PTPRC: variants seen among roughly 807,000 people sequenced by gnomAD.
PTPRC encodes the protein protein tyrosine phosphatase receptor type C, also known as receptor-type tyrosine-protein phosphatase C.
Under a neutral mutation model 155.9 loss-of-function variants are expected in PTPRC, and 44 were observed. That is an observed-to-expected ratio of 0.28 (90% CI 0.22 to 0.36). The LOEUF is 0.36. Among genes scored for constraint, PTPRC ranks in the 10% least tolerant of loss-of-function variants. The pLI is 1.00. For missense variants in PTPRC, 1,401 were observed against 1,564.6 expected (o/e 0.90, Z 1.76); for synonymous variants, 525 against 533.1 (o/e 0.98, Z 0.21).
At chr1:198,656,476 C>T (rs753131941) in intron 2 of PTPRC, among the ~76,000 whole-genome samples, 55 of 151,926 alleles carry the variant, frequency 3.6e-4, no homozygotes, top group Non-Finnish European at 4.1e-4. Context: ...CTTTCCCTCC[C>T]CTACTCAAGT....
At position 198,716,810 on chromosome 1, in the gene PTPRC, G is replaced by A. The variant is rs1173201390; in HGVS notation, c.1420G>A (p.Ala474Thr). 1.2e-6 allele frequency: 2 copies of A among 1,613,604 alleles called. No homozygotes were observed. The highest frequency in any genetic ancestry group is 1.7e-6 in the Non-Finnish European group (2 of 1,179,902). Reference sequence around the variant, plus strand: ...AAAAGTGCAACGTAATGGAAGTGCTGCAATGTGTCATTTCACAACTAAAAG... The same window carrying A: ...AAAAGTGCAACGTAATGGAAGTGCTACAATGTGTCATTTCACAACTAAAAG... Reference protein sequence around the residue: ...IAKVQRNGSAAMCHFTTKSAP... With the variant: ...IAKVQRNGSATMCHFTTKSAP... Residue 474 changes from alanine (A) to threonine (T), a missense_variant, in exon 13 of 33, where the codon GCA (alanine) becomes ACA (threonine). This residue lies in a region of PTPRC where 867 missense variants were observed against 970.4 expected (regional missense o/e 0.89). Transcript: ENST00000442510.
At chr1:198,744,724 T>C (rs1000879517) in intron 26 of PTPRC, among the ~76,000 whole-genome samples, 1 of 151,908 alleles carries the variant, frequency 6.6e-6, no homozygotes, top group Non-Finnish European at 1.5e-5. Context: ...TCAGAGAGTT[T>C]GCATAGCTGT....
rs866033468 is a variant in PTPRC at position 198,647,261 on chromosome 1, T to G, written c.73+7920T>G. 3.9e-5 allele frequency among the ~76,000 whole-genome samples: 6 copies of G among 152,002 alleles called. No homozygotes were observed. The Middle Eastern group carries it at 0.014, about 345-fold the overall frequency. Reference sequence around the variant, plus strand: ...ATCCTTTGAATAATTCTCTTGGAGTTCTCTTTACCAGGCTCTCTTGCAGCA... The same window carrying G: ...ATCCTTTGAATAATTCTCTTGGAGTGCTCTTTACCAGGCTCTCTTGCAGCA... On this transcript the variant is annotated intron_variant, in intron 2 of 32. Coordinates refer to ENST00000442510, the MANE Select transcript of PTPRC (RefSeq NM_002838.5).
chr1:198,667,842 A>G (rs1664407200), intron 2 of PTPRC, among the ~76,000 whole-genome samples: 1 of 152,232 alleles, frequency 6.6e-6, no homozygotes, highest in Admixed American at 6.5e-5. Flanking sequence ...TATAATTTCA[A>G]TAGGTAGTAG....
chr1:198,655,186 T>G (rs569543810), intron 2 of PTPRC, among the ~76,000 whole-genome samples: 1 of 151,954 alleles, frequency 6.6e-6, no homozygotes, highest in Non-Finnish European at 1.5e-5. Context: ...TTTAATTAGC[T>G]GACATATTTC....
At chr1:198,689,564 G>A (rs1289272644) in intron 2 of PTPRC, among the ~76,000 whole-genome samples, 1 of 152,052 alleles carries the variant, frequency 6.6e-6, no homozygotes, top group Admixed American at 6.6e-5. Context: ...TTTCTCCTCT[G>A]TATTAACTGA....
In PTPRC at chr1:198,718,168, A is replaced by G. The variant is rs780174638; in HGVS notation, c.1525A>G (p.Arg509Gly). The change falls in exon 14 of 33, where the codon AGG (arginine) becomes GGG (glycine). Residue 509 changes from arginine (R) to glycine (G), a missense_variant. By Grantham distance (125) the Arg-to-Gly change is moderately radical. This residue lies in a region of PTPRC where 867 missense variants were observed against 970.4 expected (regional missense o/e 0.89). Coordinates refer to ENST00000442510, the MANE Select transcript of PTPRC (RefSeq NM_002838.5). ...NSMHVKCRPP[R>G]DRNGPHERYH... ...TATGCATGTCAAGTGTAGGCCTCCC[A>G]GGGACCGTAATGGCCCCCATGAACG... The G allele has an allele frequency of 9.9e-6, 16 of 1,613,732 alleles. No individual in the cohort carries two copies. In the East Asian group the frequency reaches 3.6e-4, roughly 36 times the overall value.
chr1:198,646,818 A>G (rs756619873), intron 2 of PTPRC, among the ~76,000 whole-genome samples: 2 of 151,872 alleles, frequency 1.3e-5, no homozygotes, highest in Admixed American at 6.6e-5. Context: ...ATTGGAGCAA[A>G]AAGTAAAGAG....
Position 198,756,389 on chromosome 1 carries a change from T to TTATC in PTPRC, c.*210_*213dup. The TTATC allele has an allele frequency of 1.5e-6, 1 of 649,642 alleles. No homozygotes were observed. The highest frequency in any genetic ancestry group is 2.6e-6 in the Non-Finnish European group (1 of 391,762). The allele number at this position is 649,642 out of a possible 1,614,324, so 40.2% of individuals were successfully genotyped here. On this transcript the variant is annotated 3_prime_UTR_variant, in exon 33 of 33. Transcript: ENST00000442510. Reference sequence around the variant, plus strand: ...ACAGACGTATGCTTATTTTAAAATTTTATCTCTTATTCAGTAAAAAACAAC... The same window carrying TTATC: ...ACAGACGTATGCTTATTTTAAAATTTTATCTATCTCTTATTCAGTAAAAAACAAC...
intron 2 of PTPRC, among the ~76,000 whole-genome samples, chr1:198,642,330 T>C (rs1194208358): frequency 6.6e-6 from 1 of 150,942 alleles, no homozygotes; most frequent in Non-Finnish European, 1.5e-5. Flanking sequence ...AAACTAGTTA[T>C]ATATTTGTGG....
rs1655331580 is a variant in PTPRC, at chr1:198,750,516, A to T, written c.3097A>T (p.Ile1033Phe). 1.9e-6 allele frequency: 3 copies of T among 1,612,602 alleles called. No individual in the cohort carries two copies. Among genetic ancestry groups the T allele is most frequent in the Non-Finnish European group, 2.5e-6 (3 of 1,179,018 alleles). The change falls in exon 29 of 33, where the codon ATT (isoleucine) becomes TTT (phenylalanine). Residue 1033 changes from isoleucine to phenylalanine, a missense_variant. Ile to Phe is a conservative substitution (Grantham distance 21). Around this residue, in one of 3 missense-constraint regions of PTPRC, gnomAD observed 400 missense variants for 389.5 expected, o/e 1.03. Coordinates refer to ENST00000442510, the MANE Select transcript of PTPRC (RefSeq NM_002838.5). ...GAGCTACTGGAAACCTGAAGTGATG[A>T]TTGCTGCTCAGGGACCACTGAAGGA... ...IMSYWKPEVM[I>F]AAQGPLKETI...
At position 198,755,250 on chromosome 1, in the gene PTPRC, G is replaced by A. The variant is rs1009988776; in HGVS notation, c.3646-656G>A. Among the ~76,000 whole-genome samples the A allele has an allele frequency of 5.3e-5, 8 of 152,050 alleles. No individual in the cohort carries two copies. In the East Asian group the frequency reaches 5.8e-4, roughly 11 times the overall value. On this transcript the variant is annotated intron_variant, in intron 32 of 32. Coordinates refer to ENST00000442510, the MANE Select transcript of PTPRC (RefSeq NM_002838.5). ...TTTATATTCTTGTAATCGATCTATCGTGTATACCCTCTATGTGGTAGTAAC... is the reference window on the plus strand; with the variant it reads ...TTTATATTCTTGTAATCGATCTATCATGTATACCCTCTATGTGGTAGTAAC...
At chr1:198,716,650 A>T (rs759662324) in intron 12 of PTPRC, 32 bp from the exon 13 acceptor site, 4 of 1,599,282 alleles carry the variant, frequency 2.5e-6, no homozygotes, top group Non-Finnish European at 3.4e-6. Context: ...ACTTTTAACG[A>T]CTTACTAATT....
At chr1:198,732,216 TCA>T in intron 18 of PTPRC, 82 bp from the exon 19 acceptor site, 1 of 1,028,122 alleles carries the variant, frequency 9.7e-7, no homozygotes, top group Non-Finnish European at 1.5e-6. Context: ...ACAGGATATC[TCA>T]TTTACTCAAA....
At chr1:198,722,561 C>T in intron 15 of PTPRC, 85 bp downstream of exon 15, 2 of 747,544 alleles carry the variant, frequency 2.7e-6, no homozygotes, top group African/African-American at 1.9e-5. Flanking sequence ...CTTATAATCA[C>T]ATTTGATTGT....
At chr1:198,718,486 T>C (rs1286194736) in intron 14 of PTPRC, among the ~76,000 whole-genome samples, 184 bp downstream of exon 14, 1 of 152,224 alleles carries the variant, frequency 6.6e-6, no homozygotes, top group Non-Finnish European at 1.5e-5. Flanking sequence ...CTCAAGTCAG[T>C]GGTTTAAAGC....
intron 3 of PTPRC, chr1:198,693,238 C>T (rs1260957947): frequency 1.3e-6 from 1 of 769,948 alleles, no homozygotes; most frequent in Non-Finnish European, 1.6e-6. Flanking sequence ...AAAATAGTAA[C>T]AAAAACACTT....
intron 7 of PTPRC, 120 bp from the exon 8 acceptor site, chr1:198,704,352 T>A (rs1666618399): frequency 6.5e-7 from 1 of 1,535,126 alleles, no homozygotes; most frequent in South Asian, 1.2e-5. Flanking sequence ...CATATTCTGT[T>A]AAATCTAACT....
chr1:198,756,211 C>T lies in PTPRC; in HGVS notation c.*30C>T, dbSNP rs199817785. 1,471 of 1,611,366 alleles carry T rather than the reference C, an allele frequency of 9.1e-4. 2 individuals are homozygous for T. Among genetic ancestry groups the T allele is most frequent in the Non-Finnish European group, 1.0e-3 (1,219 of 1,178,406 alleles). The stretch of plus-strand genomic sequence containing the variant: ...AGACATAAATGAGGAAACTCCAAAC[C>T]TCCTGTTAGCTGTTATTTCTATTTT... On this transcript the variant is annotated 3_prime_UTR_variant, in exon 33 of 33. Transcript: ENST00000442510.
Sources: allele counts gnomAD v4.1 joint callset (sites outside exome capture counted in the v4.1 genomes callset), GRCh38; gene constraint gnomAD v4.1.1; regional missense constraint gnomAD v4.1.1; transcripts MANE v1.5; gene names NCBI Gene and HGNC (gene_info 2026-07-23, HGNC 2026-07-21).